PDE2A: variants seen among roughly 807,000 people sequenced by gnomAD.
PDE2A encodes the protein cGMP-dependent 3',5'-cyclic phosphodiesterase.
Under a neutral mutation model 133.6 loss-of-function variants are expected in PDE2A, and 53 were observed. The ratio of observed to expected loss-of-function variants is 0.40; its 90% CI spans 0.32 to 0.50. The LOEUF is 0.50. PDE2A is among the 20% of genes least tolerant of loss of function. The probability of loss-of-function intolerance (pLI) is 0.73; values close to 1 mark genes in which losing one functional copy is unlikely to be tolerated. For missense variants in PDE2A, 796 were observed against 1,232.4 expected, an observed-to-expected ratio of 0.65 and a Z score of 5.30; for synonymous variants, 491 against 490.2, an observed-to-expected ratio of 1.00 and a Z score of -0.02.
chr11:72,610,870 T>A (rs949105907), intron 2 of PDE2A, among the ~76,000 whole-genome samples: 1 of 152,158 alleles, frequency 6.6e-6, no homozygotes, highest in Non-Finnish European at 1.5e-5. Flanking sequence ...CCTTAAAGAT[T>A]CACAGGGCAA....
intron 1 of PDE2A, among the ~76,000 whole-genome samples, chr11:72,654,267 G>A (rs1049416920): frequency 2.6e-5 from 4 of 152,194 alleles, no homozygotes; most frequent in East Asian, 1.9e-4. Flanking sequence ...GCTGCTCGGC[G>A]TCAGGGAAGT....
intron 1 of PDE2A, among the ~76,000 whole-genome samples, chr11:72,660,125 ATTC>A (rs779974035): frequency 3.3e-5 from 5 of 152,254 alleles, no homozygotes; most frequent in Admixed American, 6.5e-5. Flanking sequence ...GGATAAAAAT[ATTC>A]TTTTCTTAAT....
chr11:72,593,614 A>T (rs1856349737), intron 6 of PDE2A, among the ~76,000 whole-genome samples: 1 of 152,194 alleles, frequency 6.6e-6, no homozygotes, highest in Admixed American at 6.5e-5. Flanking sequence ...GGCACAAATC[A>T]GGCATCAAAT....
intron 4 of PDE2A, among the ~76,000 whole-genome samples, chr11:72,599,956 AT>A (rs1347167361): frequency 6.6e-5 from 10 of 152,348 alleles, no homozygotes; most frequent in Non-Finnish European, 4.4e-5. Flanking sequence ...AGAGGGAGAC[AT>A]CTGAGTTGAG....
intron 2 of PDE2A, among the ~76,000 whole-genome samples, chr11:72,621,613 A>T (rs1237179272): frequency 6.6e-6 from 1 of 152,032 alleles, no homozygotes; most frequent in East Asian, 1.9e-4. Flanking sequence ...TGTCACCCTC[A>T]CTTGGAGTCT....
chr11:72,648,635 G>A (rs1859194001), intron 1 of PDE2A, among the ~76,000 whole-genome samples: 1 of 152,132 alleles, frequency 6.6e-6, no homozygotes, highest in Non-Finnish European at 1.5e-5. Context: ...GAACCCATAG[G>A]ATTCTAGTCC....
Position 72,583,470 on chromosome 11 carries a change from G to A in PDE2A, c.1696C>T (p.Leu566=), listed in dbSNP as rs764216813. The change falls in exon 20 of 31, where the codon CTG becomes TTG. Residue 566 remains leucine, a synonymous_variant. Coordinates refer to ENST00000334456, the MANE Select transcript of PDE2A (RefSeq NM_002599.5). ...TGGTACATCATCATCTCATTGGCCA[G>A]GTGGCTGCGATACTGAGCCTCATTC... ...KVNEAQYRSH[L]ANEMMMYHMK... 1.2e-6 allele frequency: 2 copies of A among 1,613,048 alleles called. No individual in the cohort carries two copies. The highest frequency in any genetic ancestry group is 1.1e-5 in the South Asian group (1 of 91,044).
chr11:72,624,811 C>A (rs1325175253), intron 2 of PDE2A, among the ~76,000 whole-genome samples: 1 of 152,208 alleles, frequency 6.6e-6, no homozygotes, highest in Non-Finnish European at 1.5e-5. Context: ...TGCCTCACAG[C>A]CAGTGTCACA....
At position 72,579,373 on chromosome 11, in the gene PDE2A, C is replaced by T. The variant is rs759387435; in HGVS notation, c.2267G>A (p.Arg756His). Reference protein sequence around the residue: ...FDHFSRKDYQRMLDLMRDIIL... With the variant: ...FDHFSRKDYQHMLDLMRDIIL... ...GATGTCCCGCATCAGATCCAGCATG[C>T]GCTGATAGTCCTGAGGCGAGGGCAG... The change falls in exon 27 of 31, where the codon CGC becomes CAC. Residue 756 changes from arginine (R) to histidine (H), a missense_variant. Transcript: ENST00000334456. 1.2e-5 allele frequency: 19 copies of T among 1,613,250 alleles called. No homozygotes were observed. The highest frequency in any genetic ancestry group is 3.3e-5 in the Admixed American group (2 of 60,000).
intron 6 of PDE2A, among the ~76,000 whole-genome samples, chr11:72,592,040 T>C (rs1019506172): frequency 4.0e-5 from 6 of 151,608 alleles, no homozygotes; most frequent in African/African-American, 1.2e-4. Flanking sequence ...CTAGATCCAC[T>C]CTCTCCACCA....
intron 2 of PDE2A, among the ~76,000 whole-genome samples, chr11:72,627,226 A>G (rs1858123866): frequency 6.6e-6 from 1 of 152,194 alleles, no homozygotes. Flanking sequence ...CCCAAGAGAG[A>G]CAAAGGAGAC....
intron 1 of PDE2A, among the ~76,000 whole-genome samples, chr11:72,644,843 G>A (rs890985087): frequency 6.6e-6 from 1 of 152,202 alleles, no homozygotes; most frequent in Middle Eastern, 3.4e-3. Flanking sequence ...TGCAACCTCC[G>A]CCTCCCGGGT....
chr11:72,605,974 C>T (rs924407568), intron 3 of PDE2A, among the ~76,000 whole-genome samples: 3 of 152,006 alleles, frequency 2.0e-5, no homozygotes, highest in East Asian at 1.9e-4. Context: ...GATGGGCTTA[C>T]GAACAGAACT....
In PDE2A at chr11:72,578,077, G is replaced by A. The variant is rs1057195872; in HGVS notation, c.2615+156C>T. Among the ~76,000 whole-genome samples the A allele has an allele frequency of 6.6e-6, 1 of 152,240 alleles. No individual in the cohort carries two copies. Among genetic ancestry groups the A allele is most frequent in the African/African-American group, 2.4e-5 (1 of 41,458 alleles). ...CCAAGGATGAAGTGAAGGACCCACT[G>A]AGGGGCACAGCGGGAGACAGTTATG... On this transcript the variant is annotated intron_variant, in intron 30 of 30. Coordinates refer to ENST00000334456, the MANE Select transcript of PDE2A (RefSeq NM_002599.5). This position sits in a 1 kb window ranked among gnomAD's most constrained non-coding sequence, Gnocchi z 4.2.
At chr11:72,652,047 T>A (rs1854755432) in intron 1 of PDE2A, among the ~76,000 whole-genome samples, 1 of 152,198 alleles carries the variant, frequency 6.6e-6, no homozygotes, top group Non-Finnish European at 1.5e-5. Context: ...GTGGCCTTGG[T>A]GGGCAGGCCT....
chr11:72,596,391 G>T (rs752288208), intron 6 of PDE2A, among the ~76,000 whole-genome samples: 1 of 151,714 alleles, frequency 6.6e-6, no homozygotes, highest in Non-Finnish European at 1.5e-5. Context: ...GGGTGTGGGA[G>T]ATGCCCCAAC....
intron 2 of PDE2A, among the ~76,000 whole-genome samples, chr11:72,616,312 C>T (rs1857469592): frequency 6.6e-6 from 1 of 152,170 alleles, no homozygotes; most frequent in Non-Finnish European, 1.5e-5. Flanking sequence ...ACCTGGGGCT[C>T]CCACTGCCCC....
chr11:72,610,540 T>C (rs1857160550), intron 2 of PDE2A, among the ~76,000 whole-genome samples: 1 of 152,280 alleles, frequency 6.6e-6, no homozygotes, highest in South Asian at 2.1e-4. Context: ...AGGGCAGTAG[T>C]GGGCCTTCTC....
intron 1 of PDE2A, chr11:72,669,026 C>T (rs940327726): frequency 9.4e-6 from 9 of 952,906 alleles, no homozygotes; most frequent in South Asian, 4.7e-5. Flanking sequence ...GAGCACCTGC[C>T]GCATGCCAGG....
Sources: allele counts gnomAD v4.1 joint callset (sites outside exome capture counted in the v4.1 genomes callset), GRCh38; gene constraint gnomAD v4.1.1; non-coding constraint Gnocchi (gnomAD v3.1); transcripts MANE v1.5; gene names NCBI Gene and HGNC (gene_info 2026-07-23, HGNC 2026-07-21).